The following TRIM24 variants were observed in gnomAD, a reference collection of about 807,000 sequenced individuals.
TRIM24 encodes transcription intermediary factor 1-alpha.
Under a neutral mutation model 123.9 loss-of-function variants are expected in TRIM24, and 29 were observed. The observed-to-expected ratio is 0.23, with a 90% CI of 0.17 to 0.32. The LOEUF (loss-of-function observed/expected upper bound fraction) is 0.32. Ranked by LOEUF, TRIM24 falls within the 10% of genes least tolerant of loss-of-function variation. The pLI, the probability that TRIM24 is intolerant of heterozygous loss-of-function variation, is 1.00. For synonymous variants in TRIM24, 456 were observed against 461.1 expected (o/e 0.99, Z 0.14); for missense variants, 932 against 1,295.3 (o/e 0.72, Z 4.31).
intron 3 of TRIM24, among the ~76,000 whole-genome samples, chr7:138,516,707 A>G (rs1796403623): frequency 6.6e-6 from 1 of 152,200 alleles, no homozygotes. Flanking sequence ...ACGCAAGTGG[A>G]ATCACATGGT....
At position 138,542,541 on chromosome 7, in the gene TRIM24, C is replaced by T. The variant is rs556029244; in HGVS notation, c.1143+3738C>T. On this transcript the variant is annotated intron_variant, in intron 7 of 18. Transcript: ENST00000343526. ...GAATTACCAAAATGTGACAGAGACA[C>T]GTGAGCATGTGCTTGCTGTTGGAAG... 3.3e-4 allele frequency among the ~76,000 whole-genome samples: 50 copies of T among 152,256 alleles called. No individual in the cohort carries two copies. In the South Asian group the frequency reaches 3.9e-3, roughly 12 times the overall value.
At position 138,581,536 on chromosome 7, in the gene TRIM24, GGAA is replaced by G. The variant is rs370570386; in HGVS notation, c.2719-159_2719-157del. Among the ~76,000 whole-genome samples, 50 of 152,196 alleles carry G rather than the reference GGAA, an allele frequency of 3.3e-4. 1 individual carries two copies. The highest frequency in any genetic ancestry group is 1.2e-3 in the African/African-American group (50 of 41,526). On this transcript the variant is annotated intron_variant, in intron 16 of 18. Coordinates refer to ENST00000343526, the MANE Select transcript of TRIM24 (RefSeq NM_015905.3). ...TTACAGGGCCTGTTCCCAAATATTG[GGAA>G]GGAGAGCAAAACTCCGAGAATCAGT...
At chr7:138,574,937 T>A (rs1797725414) in intron 12 of TRIM24, among the ~76,000 whole-genome samples, 1 of 152,156 alleles carries the variant, frequency 6.6e-6, no homozygotes, top group Non-Finnish European at 1.5e-5. Flanking sequence ...TTTATTAATA[T>A]TTATATTACT....
At chr7:138,523,319 G>A (rs1408218029) in intron 4 of TRIM24, among the ~76,000 whole-genome samples, 1 of 152,188 alleles carries the variant, frequency 6.6e-6, no homozygotes, top group African/African-American at 2.4e-5. Context: ...CTTAGAGAAT[G>A]AAGCTTTTTA....
intron 9 of TRIM24, among the ~76,000 whole-genome samples, chr7:138,565,643 G>A (rs1424488053): frequency 2.0e-5 from 3 of 152,206 alleles, no homozygotes; most frequent in Non-Finnish European, 1.5e-5. Context: ...CCAATAGGTA[G>A]AAGAGGAGGA....
intron 1 of TRIM24, among the ~76,000 whole-genome samples, chr7:138,498,209 A>AT (rs1313872978): frequency 6.6e-6 from 1 of 151,380 alleles, no homozygotes; most frequent in Admixed American, 6.6e-5. Context: ...CTCCTGGCTA[A>AT]TTTTTGTTTT....
rs770352195 is a variant in TRIM24, at chr7:138,577,622, C to T, written c.2256+34C>T. 3.3e-5 allele frequency: 50 copies of T among 1,513,638 alleles called. No homozygotes were observed. The South Asian group carries it at 6.2e-4, about 19-fold the overall frequency. The allele number at this position is 1,513,638 out of a possible 1,614,324, so 93.8% of individuals were successfully genotyped here. A position where few individuals can be genotyped will look rare whatever the true frequency, so the allele number is the denominator to read the frequency against. ...GAATGCTTGCAATGCTATTCCTATG[C>T]ATGGTGGGTAGGGTGAGAGAATCTT... On this transcript the variant is annotated intron_variant, in intron 14 of 18. Coordinates refer to ENST00000343526, the MANE Select transcript of TRIM24 (RefSeq NM_015905.3).
At chr7:138,560,666 T>A (rs772889609) in intron 9 of TRIM24, among the ~76,000 whole-genome samples, 1 of 152,204 alleles carries the variant, frequency 6.6e-6, no homozygotes, top group African/African-American at 2.4e-5. Context: ...CCTTATTATA[T>A]GAGTTCCTTG....
At chr7:138,461,065 A>C (rs972527852) in intron 1 of TRIM24, 153 bp downstream of exon 1, 2 of 841,980 alleles carry the variant, frequency 2.4e-6, no homozygotes, top group East Asian at 2.8e-5. Context: ...CGACGGTGAC[A>C]TGGAGGGCCC....
At chr7:138,533,311 G>T (rs1275741609) in intron 6 of TRIM24, among the ~76,000 whole-genome samples, 1 of 152,302 alleles carries the variant, frequency 6.6e-6, no homozygotes, top group Non-Finnish European at 1.5e-5. Context: ...CAAAGGGAAT[G>T]CTTCCAGTTT....
intron 1 of TRIM24, among the ~76,000 whole-genome samples, chr7:138,487,207 G>A (rs1053640436): frequency 2.6e-5 from 4 of 152,224 alleles, no homozygotes; most frequent in African/African-American, 9.6e-5. Context: ...AGACTTTGCT[G>A]AAGTTGCTTA....
chr7:138,557,920 G>GGTACC (rs1341832998), intron 9 of TRIM24, among the ~76,000 whole-genome samples: 6 of 150,504 alleles, frequency 4.0e-5, no homozygotes, highest in African/African-American at 7.3e-5. Context: ...CGCCCAGGTG[G>GGTACC]CTGACCCATA....
chr7:138,553,418 A>G (rs1037590113), intron 8 of TRIM24, among the ~76,000 whole-genome samples: 1 of 152,166 alleles, frequency 6.6e-6, no homozygotes. Context: ...ATACACATAT[A>G]CCTTCTTGTC....
Position 138,554,564 on chromosome 7 carries a change from CAG to C in TRIM24, c.1262-131_1262-130del, listed in dbSNP as rs1797277533. On this transcript the variant is annotated intron_variant, in intron 8 of 18. Coordinates refer to ENST00000343526, the MANE Select transcript of TRIM24 (RefSeq NM_015905.3). The surrounding 1 kb of genome is among the most constrained non-coding windows in gnomAD (Gnocchi z 4.5). ...CAAAAGCTGTTTGGGGGTTCTCTTT[CAG>C]AGTGTTAAAGGGCTCATGAGATCAG... 1 of 813,632 alleles carries C rather than the reference CAG, an allele frequency of 1.2e-6. No individual in the cohort carries two copies. Among genetic ancestry groups the C allele is most frequent in the African/African-American group, 1.7e-5 (1 of 57,922 alleles). 50.4% of individuals were successfully genotyped at this position (813,632 alleles called of 1,614,324 possible). A position where few individuals can be genotyped will look rare whatever the true frequency, so the allele number is the denominator to read the frequency against.
chr7:138,561,368 G>A lies in TRIM24; in HGVS notation c.1531-6113G>A, dbSNP rs145670056. On this transcript the variant is annotated intron_variant, in intron 9 of 18. Coordinates refer to ENST00000343526, the MANE Select transcript of TRIM24 (RefSeq NM_015905.3). ...GATACCTCGCCTACTCCATCTACAC[G>A]GCAATGAAGGGGGCCTCCTGGTTCC... Among the ~76,000 whole-genome samples, 37 of 152,280 alleles carry A rather than the reference G, an allele frequency of 2.4e-4. No individual in the cohort carries two copies. In the East Asian group the frequency reaches 5.6e-3, roughly 23 times the overall value.
At chr7:138,508,956 T>A (rs1796226841) in intron 2 of TRIM24, among the ~76,000 whole-genome samples, 1 of 151,862 alleles carries the variant, frequency 6.6e-6, no homozygotes, top group African/African-American at 2.4e-5. Flanking sequence ...GAGACTTTAT[T>A]TATTTATTTA....
At chr7:138,582,039 T>A (rs1797905815) in intron 17 of TRIM24, among the ~76,000 whole-genome samples, 1 of 152,196 alleles carries the variant, frequency 6.6e-6, no homozygotes, top group African/African-American at 2.4e-5. Context: ...TCTGTTAATT[T>A]TCTGTATTTC....
intron 7 of TRIM24, among the ~76,000 whole-genome samples, chr7:138,547,568 T>C (rs1286653697): frequency 2.6e-5 from 4 of 152,252 alleles, no homozygotes; most frequent in South Asian, 4.1e-4. Context: ...AAAACAATTA[T>C]TAAATTTTAG....
chr7:138,480,227 G>A (rs1344763938), intron 1 of TRIM24, among the ~76,000 whole-genome samples: 3 of 152,198 alleles, frequency 2.0e-5, no homozygotes, highest in African/African-American at 7.2e-5. Context: ...GTCTCCCAAA[G>A]TTCTGGGAAT....
Sources: allele counts gnomAD v4.1 joint callset (sites outside exome capture counted in the v4.1 genomes callset), GRCh38; gene constraint gnomAD v4.1.1; non-coding constraint Gnocchi (gnomAD v3.1); transcripts MANE v1.5; gene names NCBI Gene and HGNC (gene_info 2026-07-23, HGNC 2026-07-21).